KCNMB2: variants seen among roughly 807,000 people sequenced by gnomAD.
KCNMB2 encodes potassium calcium-activated channel subfamily M regulatory beta subunit 2.
In KCNMB2, 9 loss-of-function variants were observed where a neutral mutation model predicts 24.5. The observed-to-expected ratio is 0.37, with a 90% confidence interval of 0.22 to 0.64. The LOEUF is 0.64. KCNMB2 is among the 30% of genes least tolerant of loss of function. KCNMB2 has a pLI of 0.63. For synonymous variants in KCNMB2, 109 were observed against 104.4 expected, an observed-to-expected ratio of 1.04 and a Z score of -0.27; for missense variants, 226 against 284.3, an observed-to-expected ratio of 0.79 and a Z score of 1.47.
rs563158028 is a variant in KCNMB2 at position 178,671,687 on chromosome 3, C to T, written c.-68+134976C>T. ...ATTAGACAGCGTGCATTTCAGGCCACGTCACCCTGCTCTGCTGTCTGTCCT... is the reference window on the plus strand; with the variant it reads ...ATTAGACAGCGTGCATTTCAGGCCATGTCACCCTGCTCTGCTGTCTGTCCT... On this transcript the variant is annotated intron_variant, in intron 1 of 4. Coordinates refer to ENST00000452583, the MANE Select transcript of KCNMB2 (RefSeq NM_181361.3). 1.4e-4 allele frequency among the ~76,000 whole-genome samples: 22 copies of T among 152,280 alleles called. No homozygotes were observed. The East Asian group carries it at 2.7e-3, about 19-fold the overall frequency.
At chr3:178,818,896 A>G (rs549731684) in intron 2 of KCNMB2, among the ~76,000 whole-genome samples, 1 of 146,284 alleles carries the variant, frequency 6.8e-6, no homozygotes, top group African/African-American at 2.7e-5. Flanking sequence ...ACCACACTCT[A>G]CTACCTCTAT....
chr3:178,823,258 C>T (rs1714702435), intron 2 of KCNMB2, among the ~76,000 whole-genome samples: 2 of 152,164 alleles, frequency 1.3e-5, no homozygotes, highest in Admixed American at 6.5e-5. Context: ...AAGTCAAAAA[C>T]AGGGCAGGCC....
At chr3:178,624,651 C>G (rs1224792798) in intron 1 of KCNMB2, among the ~76,000 whole-genome samples, 1 of 137,764 alleles carries the variant, frequency 7.3e-6, no homozygotes, top group Admixed American at 7.6e-5. Context: ...ATCAGTTTCA[C>G]TTATATTTTC....
At chr3:178,611,694 G>A (rs1168796255) in intron 1 of KCNMB2, among the ~76,000 whole-genome samples, 1 of 151,744 alleles carries the variant, frequency 6.6e-6, no homozygotes, top group Non-Finnish European at 1.5e-5. Context: ...GACAGAGCGA[G>A]ACTCTGTCTC....
chr3:178,777,086 A>G (rs1712612168), intron 1 of KCNMB2, among the ~76,000 whole-genome samples: 1 of 152,228 alleles, frequency 6.6e-6, no homozygotes, highest in African/African-American at 2.4e-5. Context: ...CAGAATATGA[A>G]GACAAACTGA....
intron 1 of KCNMB2, among the ~76,000 whole-genome samples, chr3:178,763,185 G>C (rs1441119016): frequency 6.6e-6 from 1 of 152,148 alleles, no homozygotes; most frequent in Non-Finnish European, 1.5e-5. Context: ...GTTTCAAAGA[G>C]AGAAATCAAA....
At chr3:178,688,959 C>A (rs1450231743) in intron 1 of KCNMB2, among the ~76,000 whole-genome samples, 1 of 151,948 alleles carries the variant, frequency 6.6e-6, no homozygotes, top group African/African-American at 2.4e-5. Flanking sequence ...ATAAAAAATA[C>A]TCTTTGGGAA....
chr3:178,833,756 C>G (rs1715126714), intron 4 of KCNMB2, among the ~76,000 whole-genome samples: 1 of 152,100 alleles, frequency 6.6e-6, no homozygotes, highest in African/African-American at 2.4e-5. Context: ...CATTTTTACC[C>G]TCTCTCACAT....
At chr3:178,815,538 T>C (rs537652957) in intron 2 of KCNMB2, among the ~76,000 whole-genome samples, 7 of 152,336 alleles carry the variant, frequency 4.6e-5, no homozygotes, top group East Asian at 3.9e-4. Flanking sequence ...TTCATTCATA[T>C]GTTATACTGC....
intron 1 of KCNMB2, among the ~76,000 whole-genome samples, chr3:178,578,091 T>G (rs1023154168): frequency 2.6e-5 from 4 of 151,796 alleles, no homozygotes; most frequent in Non-Finnish European, 4.4e-5. Flanking sequence ...TTCACCAAGG[T>G]TAAAATGAAG....
intron 1 of KCNMB2, among the ~76,000 whole-genome samples, chr3:178,699,605 G>A (rs527572357): frequency 6.6e-6 from 1 of 152,306 alleles, no homozygotes; most frequent in African/African-American, 2.4e-5. Context: ...ACCAGGCTGG[G>A]GCCCTGGGAG....
intron 1 of KCNMB2, among the ~76,000 whole-genome samples, chr3:178,715,364 GGT>G (rs1722586109): frequency 6.8e-6 from 1 of 147,020 alleles, no homozygotes; most frequent in Non-Finnish European, 1.5e-5. Flanking sequence ...TTTGTTTTTT[GGT>G]TTTTTTTTTT....
intron 2 of KCNMB2, among the ~76,000 whole-genome samples, chr3:178,824,100 A>C (rs1714738819): frequency 6.6e-6 from 1 of 152,110 alleles, no homozygotes; most frequent in Non-Finnish European, 1.5e-5. Flanking sequence ...GGAATTCCTG[A>C]GCATTGCCTT....
intron 1 of KCNMB2, among the ~76,000 whole-genome samples, chr3:178,575,326 C>T (rs1386203268): frequency 3.9e-5 from 6 of 152,056 alleles, no homozygotes; most frequent in Non-Finnish European, 7.4e-5. Flanking sequence ...TGTCACATCA[C>T]CACAAGTAAA....
At chr3:178,709,468 G>C (rs1164942069) in intron 1 of KCNMB2, among the ~76,000 whole-genome samples, 1 of 152,154 alleles carries the variant, frequency 6.6e-6, no homozygotes, top group Non-Finnish European at 1.5e-5. Flanking sequence ...TTCTGAGATT[G>C]TCACTAGCAG....
intron 4 of KCNMB2, among the ~76,000 whole-genome samples, chr3:178,833,035 AAT>A (rs1246297977): frequency 9.5e-4 from 22 of 23,204 alleles, no homozygotes; most frequent in African/African-American, 2.6e-3. Context: ...ATAATGTTAC[AAT>A]GTCATCTTTT....
rs555811816 is a variant in KCNMB2, at chr3:178,812,996, C to CA, written c.56+5539dup. ...GGCAAGTCACACCTATCGCACTTCCCAAAAAAAACTCTAGGGATTTTTATT... is the reference window on the plus strand; with the variant it reads ...GGCAAGTCACACCTATCGCACTTCCCAAAAAAAAACTCTAGGGATTTTTATT... On this transcript the variant is annotated intron_variant, in intron 2 of 4. Coordinates refer to ENST00000452583, the MANE Select transcript of KCNMB2 (RefSeq NM_181361.3). Among the ~76,000 whole-genome samples the CA allele has an allele frequency of 6.6e-4, 100 of 151,156 alleles. 1 individual carries two copies. In the South Asian group the frequency reaches 0.011, roughly 16 times the overall value.
intron 1 of KCNMB2, among the ~76,000 whole-genome samples, chr3:178,622,437 A>C (rs968113860): frequency 6.6e-6 from 1 of 152,210 alleles, no homozygotes; most frequent in African/African-American, 2.4e-5. Context: ...GGAAGGAACT[A>C]TTATCCATAT....
intron 1 of KCNMB2, chr3:178,729,347 G>A (rs920699938): frequency 1.3e-5 from 2 of 152,162 alleles, no homozygotes; most frequent in African/African-American, 4.8e-5. Flanking sequence ...GTATTGATTA[G>A]GAAGATGGCC....
Sources: allele counts gnomAD v4.1 joint callset (sites outside exome capture counted in the v4.1 genomes callset), GRCh38; gene constraint gnomAD v4.1.1; transcripts MANE v1.5; gene names NCBI Gene and HGNC (gene_info 2026-07-23, HGNC 2026-07-21).